Variants in CREB5 observed in about 807,000 individuals in gnomAD.
The protein encoded by CREB5 is cAMP responsive element binding protein 5, also known as cyclic AMP-responsive element-binding protein 5.
Under a neutral mutation model 57.1 loss-of-function variants are expected in CREB5, and 19 were observed. The observed-to-expected ratio is 0.33, with a 90% CI of 0.23 to 0.49. CREB5 has a LOEUF of 0.49. Ranked by LOEUF, CREB5 falls within the 20% of genes least tolerant of loss-of-function variation. The pLI is 0.99. For missense variants in CREB5, 579 were observed against 671.6 expected, an observed-to-expected ratio of 0.86 and a Z score of 1.52; for synonymous variants, 238 against 238.3, an observed-to-expected ratio of 1.00 and a Z score of 0.01.
At chr7:28,499,424 G>A (rs551384388) in intron 3 of CREB5, among the ~76,000 whole-genome samples, 5 of 151,688 alleles carry the variant, frequency 3.3e-5, no homozygotes, top group Non-Finnish European at 4.4e-5. Context: ...GTGCTCACAC[G>A]TGTGTGTGTG....
upstream of CREB5, among the ~76,000 whole-genome samples, chr7:28,412,294 ACTAGATGTGGATTATCT>A (rs1405211948): frequency 1.3e-5 from 2 of 152,228 alleles, no homozygotes; most frequent in Non-Finnish European, 2.9e-5. Context: ...TCCCATATCC[ACTAGATGTGGATTATCT>A]CAGTAGCGAT....
At chr7:28,515,502 A>G (rs948819344) in intron 4 of CREB5, among the ~76,000 whole-genome samples, 3 of 152,104 alleles carry the variant, frequency 2.0e-5, no homozygotes, top group Non-Finnish European at 4.4e-5. Flanking sequence ...TTCCCATTGA[A>G]CATACCACTG....
chr7:28,799,454 G>A (rs1562649088), intron 7 of CREB5, among the ~76,000 whole-genome samples: 1 of 152,178 alleles, frequency 6.6e-6, no homozygotes, highest in Non-Finnish European at 1.5e-5. Flanking sequence ...AATGTTAAAA[G>A]CATTGCTAGC....
At chr7:28,369,975 C>A (rs1029750485) in intron 1 of CREB5, among the ~76,000 whole-genome samples, 1 of 152,174 alleles carries the variant, frequency 6.6e-6, no homozygotes, top group African/African-American at 2.4e-5. Context: ...CACTAGAAAA[C>A]CCTAGCAGCT....
chr7:28,718,834 C>A lies in CREB5; in HGVS notation c.546C>A (p.Thr182=). 1 of 1,614,062 alleles carries A rather than the reference C, an allele frequency of 6.2e-7. No individual in the cohort carries two copies. The highest frequency in any genetic ancestry group is 8.5e-7 in the Non-Finnish European group (1 of 1,179,968). The change falls in exon 6 of 11, where the codon ACC becomes ACA. Residue 182 remains threonine (T), a synonymous_variant. Coordinates refer to ENST00000357727, the MANE Select transcript of CREB5 (RefSeq NM_182898.4). The stretch of plus-strand genomic sequence containing the variant: ...CCATGCCAGCCTCCATGCCTGGGAC[C>A]CTGCCCAACCCTACAATGCCAGGAT... The part of the protein sequence containing the change: ...RQPMPASMPG[T]LPNPTMPGSS...
chr7:28,469,453 A>G (rs1424296918), intron 1 of CREB5, among the ~76,000 whole-genome samples: 1 of 152,188 alleles, frequency 6.6e-6, no homozygotes, highest in Non-Finnish European at 1.5e-5. Flanking sequence ...GTGTTTAAAT[A>G]TATGGAAACA....
chr7:28,718,972 A>G (rs1024342498), intron 6 of CREB5, 93 bp downstream of exon 6: 1 of 1,573,202 alleles, frequency 6.4e-7, no homozygotes, highest in Non-Finnish European at 8.6e-7. Context: ...ATCCAAGCTG[A>G]TGGGAAAGAA....
intron 5 of CREB5, among the ~76,000 whole-genome samples, chr7:28,643,471 G>A (rs1562545078): frequency 6.6e-6 from 1 of 152,012 alleles, no homozygotes; most frequent in African/African-American, 2.4e-5. Flanking sequence ...AGTAACCTTT[G>A]GCTGTCACCC....
chr7:28,781,104 A>G (rs1158015550), intron 7 of CREB5, among the ~76,000 whole-genome samples: 2 of 152,170 alleles, frequency 1.3e-5, no homozygotes, highest in Non-Finnish European at 2.9e-5. Flanking sequence ...GTGTTGTGAC[A>G]TATATTAGAG....
At chr7:28,362,808 A>G (rs1358235305) in intron 1 of CREB5, among the ~76,000 whole-genome samples, 1 of 152,354 alleles carries the variant, frequency 6.6e-6, no homozygotes, top group Non-Finnish European at 1.5e-5. Flanking sequence ...AAATAAAATC[A>G]TTAAGTCTCT....
At chr7:28,652,533 G>A (rs1353908199) in intron 5 of CREB5, among the ~76,000 whole-genome samples, 2 of 152,094 alleles carry the variant, frequency 1.3e-5, no homozygotes, top group Non-Finnish European at 2.9e-5. Context: ...AGCCAGAGTG[G>A]GTCTGAATTC....
intron 1 of CREB5, among the ~76,000 whole-genome samples, chr7:28,310,400 A>G (rs1490493134): frequency 2.0e-5 from 3 of 152,192 alleles, no homozygotes; most frequent in African/African-American, 7.2e-5. Context: ...GGAGCTCTGG[A>G]CAGAAAGCCT....
chr7:28,621,948 A>T (rs1053674837), intron 5 of CREB5, among the ~76,000 whole-genome samples: 12 of 152,144 alleles, frequency 7.9e-5, no homozygotes, highest in Non-Finnish European at 1.6e-4. Flanking sequence ...CCAAGGTGAA[A>T]TTTCCTAATA....
chr7:28,362,355 A>C (rs1384817891), intron 1 of CREB5, among the ~76,000 whole-genome samples: 1 of 152,216 alleles, frequency 6.6e-6, no homozygotes, highest in Non-Finnish European at 1.5e-5. Context: ...CTGTTAGAAA[A>C]AGAAAAATCT....
chr7:28,600,383 C>CAGAG lies in CREB5; in HGVS notation c.464+29848_464+29849insAGAG, dbSNP rs1796871025. 8.1e-3 allele frequency among the ~76,000 whole-genome samples: 3 copies of CAGAG among 370 alleles called. No homozygotes were observed. The South Asian group carries it at 0.15, about 18-fold the overall frequency. 0.2% of individuals were successfully genotyped at this position (370 alleles called of 152,430 possible). ...CAGAGCAGACCAGCCTCACGAAGCTCAGTGAACCTGATGAGCAATTCTTAC... is the reference window on the plus strand; with the variant it reads ...CAGAGCAGACCAGCCTCACGAAGCTCAGAGAGTGAACCTGATGAGCAATTCTTAC... On this transcript the variant is annotated intron_variant, in intron 5 of 10. Coordinates refer to ENST00000357727, the MANE Select transcript of CREB5 (RefSeq NM_182898.4).
Position 28,476,723 on chromosome 7 carries a change from C to T in CREB5, c.4-11452C>T, listed in dbSNP as rs146778729. On this transcript the variant is annotated intron_variant, in intron 1 of 10. Transcript: ENST00000357727. ...CTAAATTTAAAAAACAAACAAAATC[C>T]CACTTCCGAAAGAATTAAAAGATTG... is the stretch of plus-strand genomic sequence containing the variant. 7.2e-4 allele frequency among the ~76,000 whole-genome samples: 109 copies of T among 152,164 alleles called. 3 individuals carry two copies. Among genetic ancestry groups the T allele is most frequent in the African/African-American group, 2.6e-3 (107 of 41,508 alleles).
At chr7:28,454,478 T>C (rs1162185249) in intron 1 of CREB5, among the ~76,000 whole-genome samples, 3 of 152,144 alleles carry the variant, frequency 2.0e-5, no homozygotes, top group Admixed American at 6.5e-5. Context: ...CTCAGGGCAT[T>C]CCCCCAGGAC....
intron 5 of CREB5, among the ~76,000 whole-genome samples, chr7:28,682,689 G>T (rs1237745666): frequency 2.7e-5 from 4 of 148,804 alleles, no homozygotes; most frequent in South Asian, 2.2e-4. Context: ...AAGTGGGGGG[G>T]GGGGGAAACC....
At chr7:28,600,587 C>G (rs1015114413) in intron 5 of CREB5, among the ~76,000 whole-genome samples, 1 of 152,162 alleles carries the variant, frequency 6.6e-6, no homozygotes, top group Non-Finnish European at 1.5e-5. Flanking sequence ...AAAAATTATG[C>G]AGGCCAGACA....
Sources: gnomAD v4.1 joint callset for allele counts (sites outside exome capture counted in the v4.1 genomes callset) on GRCh38, gnomAD v4.1.1 for gene constraint, MANE v1.5 for transcripts, NCBI Gene and HGNC (gene_info 2026-07-23, HGNC 2026-07-21) for gene names.